RXRB: variants seen among roughly 807,000 people sequenced by gnomAD.
RXRB encodes the protein retinoic acid receptor RXR-beta.
A neutral mutation model predicts 52.5 loss-of-function variants in RXRB; 18 were observed. The ratio of observed to expected loss-of-function variants is 0.34; its 90% CI spans 0.24 to 0.51. The LOEUF (loss-of-function observed/expected upper bound fraction) is 0.51. Ranked by LOEUF, RXRB falls within the 20% of genes least tolerant of loss-of-function variation. The pLI, the probability that RXRB is intolerant of heterozygous loss-of-function variation, is 0.97. For missense variants in RXRB, 455 were observed against 698.2 expected (o/e 0.65, Z 3.92); for synonymous variants, 233 against 267.1 (o/e 0.87, Z 1.25).
intron 2 of RXRB, among the ~76,000 whole-genome samples, chr6:33,198,913 CAA>C (rs9280361): frequency 0.32 from 23,435 of 72,918 alleles, 1,677 homozygotes; most frequent in East Asian, 0.54. Context: ...GACTCCATCT[CAA>C]AAAAAAAAAA....
rs760065089 is a variant in RXRB at position 33,197,968 on chromosome 6, G to A, written c.641-27C>T. 1.2e-6 allele frequency: 2 copies of A among 1,607,082 alleles called. No individual in the cohort carries two copies. Among genetic ancestry groups the A allele is most frequent in the Admixed American group, 1.7e-5 (1 of 59,164 alleles). ...TACAGGGAAAGGGGAGGAGCAATAA[G>A]AAGGTTGCATGGAGACACCTTCACC... On this transcript the variant is annotated intron_variant, in intron 3 of 9. Coordinates refer to ENST00000374680, the MANE Select transcript of RXRB (RefSeq NM_021976.5). The surrounding 1 kb of genome is among the most constrained non-coding windows in gnomAD (Gnocchi z 4.4).
At chr6:33,198,771 G>C in intron 2 of RXRB, 1 of 501,356 alleles carries the variant, frequency 2.0e-6, no homozygotes, top group Non-Finnish European at 3.6e-6. Context: ...AGAATTAGCC[G>C]GGCGTGGTGG....
Position 33,195,618 on chromosome 6 carries a change from A to C in RXRB, c.1208T>G (p.Val403Gly). ...DGILLATGLH[V>G]HRNSAHSAGV... Reference sequence around the variant, plus strand: ...TGCTGAATGGGCTGAGTTGCGGTGCACGTGAAGACCTGTGGCAAGGAGGAT... The same window carrying C: ...TGCTGAATGGGCTGAGTTGCGGTGCCCGTGAAGACCTGTGGCAAGGAGGAT... The change falls in exon 7 of 10, where the codon GTG (valine) becomes GGG (glycine). Residue 403 changes from valine (V) to glycine (G), a missense_variant. By Grantham distance (109) the Val-to-Gly change is moderately radical. This residue lies in a region of RXRB where 115 missense variants were observed against 253.1 expected (regional missense o/e 0.45). Coordinates refer to ENST00000374680, the MANE Select transcript of RXRB (RefSeq NM_021976.5). This position sits in a 1 kb window ranked among gnomAD's most constrained non-coding sequence, Gnocchi z 8.6. The C allele has an allele frequency of 6.2e-7, 1 of 1,613,112 alleles. No homozygotes were observed. Among genetic ancestry groups the C allele is most frequent in the Non-Finnish European group, 8.5e-7 (1 of 1,180,034 alleles).
chr6:33,196,755 G>A lies in RXRB; in HGVS notation c.821-149C>T. On this transcript the variant is annotated intron_variant, in intron 4 of 9. Transcript: ENST00000374680. This position sits in a 1 kb window ranked among gnomAD's most constrained non-coding sequence, Gnocchi z 4.0. ...GAAGTCACTAGAAAGGGTGGACTGG[G>A]GGCAGCCCTGAAGGAAGGGTTATAA... 1 of 702,232 alleles carries A rather than the reference G, an allele frequency of 1.4e-6. No individual in the cohort carries two copies. Among genetic ancestry groups the A allele is most frequent in the South Asian group, 2.0e-5 (1 of 49,040 alleles). The allele number at this position is 702,232 out of a possible 1,614,324, so 43.5% of individuals were successfully genotyped here.
chr6:33,198,301 C>T lies in RXRB; in HGVS notation c.640+7G>A. On this transcript the variant is annotated splice_region_variant and intron_variant, in intron 3 of 9. Coordinates refer to ENST00000374680, the MANE Select transcript of RXRB (RefSeq NM_021976.5). The stretch of plus-strand genomic sequence containing the variant: ...CTCCCTCTCTGTTCATCCTCTGAGC[C>T]ACATACCTGAGCTTCTGTCCCCGCA... 6.2e-7 allele frequency: 1 copy of T among 1,612,988 alleles called. No individual in the cohort carries two copies. The highest frequency in any genetic ancestry group is 8.5e-7 in the Non-Finnish European group (1 of 1,179,964).
Position 33,194,502 on chromosome 6 carries a change from G to A in RXRB, c.*180C>T. On this transcript the variant is annotated 3_prime_UTR_variant, in exon 10 of 10. Transcript: ENST00000374680. The surrounding 1 kb of genome is among the most constrained non-coding windows in gnomAD (Gnocchi z 4.1). ...CAACCAGTCCTCACAGGTATCTGGGGTCCCTTCCAACTTGGGATATCAAGC... is the reference window on the plus strand; with the variant it reads ...CAACCAGTCCTCACAGGTATCTGGGATCCCTTCCAACTTGGGATATCAAGC... The A allele has an allele frequency of 1.7e-6, 1 of 604,486 alleles. No individual in the cohort carries two copies. 37.4% of individuals were successfully genotyped at this position (604,486 alleles called of 1,614,324 possible). A position where few individuals can be genotyped will look rare whatever the true frequency, so the allele number is the denominator to read the frequency against.
Position 33,196,572 on chromosome 6 carries a change from C to T in RXRB, c.855G>A (p.Lys285=). ...CCCCAGCCCCCTCCCCATCCCCATC[C>T]TTGTCCTTTCCCCGCTGACGCTCCT... ...VQEERQRGKD[K]DGDGEGAGGA... is the part of the protein sequence containing the mutation. Residue 285 remains lysine (K), a synonymous_variant, in exon 5 of 10, where the codon AAG becomes AAA. Transcript: ENST00000374680. The surrounding 1 kb of genome is among the most constrained non-coding windows in gnomAD (Gnocchi z 4.0). 6.2e-7 allele frequency: 1 copy of T among 1,612,134 alleles called. No individual in the cohort carries two copies. The highest frequency in any genetic ancestry group is 8.5e-7 in the Non-Finnish European group (1 of 1,179,570).
chr6:33,200,515 G>A lies in RXRB; in HGVS notation c.-39C>T, dbSNP rs1774428552. 1 of 1,554,380 alleles carries A rather than the reference G, an allele frequency of 6.4e-7. No homozygotes were observed. Among genetic ancestry groups the A allele is most frequent in the Admixed American group, 1.9e-5 (1 of 52,178 alleles). On this transcript the variant is annotated 5_prime_UTR_variant, in exon 1 of 10. Transcript: ENST00000374680. This position sits in a 1 kb window ranked among gnomAD's most constrained non-coding sequence, Gnocchi z 6.3. ...GAGTAGGGATACCGAAGAGGTCCCAGGGATTCCCAAGGATTGATCGGAGGA... is the reference window on the plus strand; with the variant it reads ...GAGTAGGGATACCGAAGAGGTCCCAAGGATTCCCAAGGATTGATCGGAGGA...
In RXRB at chr6:33,197,853, G is replaced by A; in HGVS notation, c.729C>T (p.Asp243=). 2 of 1,613,866 alleles carry A rather than the reference G, an allele frequency of 1.2e-6. No homozygotes were observed. The highest frequency in any genetic ancestry group is 1.7e-6 in the Non-Finnish European group (2 of 1,180,022). The change falls in exon 4 of 10, where the codon GAC becomes GAT. Residue 243 remains aspartate (D), a synonymous_variant. Transcript: ENST00000374680. The surrounding 1 kb of genome is among the most constrained non-coding windows in gnomAD (Gnocchi z 4.4). ...GCTTGTCCACTGTGCAGTCTTTGTT[G>A]TCCCGGCAAGAGTATGTAAGGTCTT... ...IRKDLTYSCR[D]NKDCTVDKRQ...
chr6:33,197,610 A>T lies in RXRB; in HGVS notation c.820+152T>A, dbSNP rs1275015898. On this transcript the variant is annotated intron_variant, in intron 4 of 9. Coordinates refer to ENST00000374680, the MANE Select transcript of RXRB (RefSeq NM_021976.5). This position sits in a 1 kb window ranked among gnomAD's most constrained non-coding sequence, Gnocchi z 4.4. ...GGAAACTCAAGGGCCAGAACAGGGT[A>T]ACAGGGAGGAGAGCTGCGAAGGGAG... 1 of 722,482 alleles carries T rather than the reference A, an allele frequency of 1.4e-6. No homozygotes were observed. Among genetic ancestry groups the T allele is most frequent in the Non-Finnish European group, 2.2e-6 (1 of 445,512 alleles). 44.8% of individuals were successfully genotyped at this position (722,482 alleles called of 1,614,324 possible).
rs1773715014 is a variant in RXRB at position 33,194,373 on chromosome 6, G to GC, written c.*308dup. The GC allele has an allele frequency of 2.9e-6, 1 of 346,948 alleles. No homozygotes were observed. Among genetic ancestry groups the GC allele is most frequent in the Non-Finnish European group, 5.2e-6 (1 of 191,540 alleles). The allele number at this position is 346,948 out of a possible 1,614,324, so 21.5% of individuals were successfully genotyped here. The stretch of plus-strand genomic sequence containing the variant: ...ATGAGAAGGAAGCAAGGTCCTGGAG[G>GC]CAAGGCCAGTGCTTTGTGCTGGGGG... On this transcript the variant is annotated 3_prime_UTR_variant, in exon 10 of 10. Coordinates refer to ENST00000374680, the MANE Select transcript of RXRB (RefSeq NM_021976.5). This position sits in a 1 kb window ranked among gnomAD's most constrained non-coding sequence, Gnocchi z 4.1.
rs1022949699 is a variant in RXRB, at chr6:33,200,334, G to A, written c.143C>T (p.Ala48Val). 1.3e-6 allele frequency: 2 copies of A among 1,585,320 alleles called. No homozygotes were observed. Among genetic ancestry groups the A allele is most frequent in the South Asian group, 1.1e-5 (1 of 88,408 alleles). ...TCCGCCTGCCACCGCCGCCGCCGCC[G>A]CCGCTGCGGGATCCAGCCAGGGCCG... is the stretch of plus-strand genomic sequence containing the variant. ...RRRPWLDPAA[A>V]AAAAVAGGEQ... Residue 48 changes from alanine (A) to valine (V), a missense_variant, in exon 1 of 10, where the codon GCG becomes GTG. Ala to Val is a moderately conservative substitution (Grantham distance 64). Coordinates refer to ENST00000374680, the MANE Select transcript of RXRB (RefSeq NM_021976.5). The surrounding 1 kb of genome is among the most constrained non-coding windows in gnomAD (Gnocchi z 6.3).
At position 33,195,461 on chromosome 6, in the gene RXRB, AGG is replaced by A; in HGVS notation, c.1257-9_1257-8del. 6.2e-7 allele frequency: 1 copy of A among 1,612,148 alleles called. No individual in the cohort carries two copies. Among genetic ancestry groups the A allele is most frequent in the Non-Finnish European group, 8.5e-7 (1 of 1,179,188 alleles). ...CACTAGCTCTGTCAGCACCCTGGAG[AGG>A]GACCTGCAGGTCACTCAAAGGTCAC... On this transcript the variant is annotated splice_polypyrimidine_tract_variant and splice_region_variant and intron_variant, in intron 7 of 9. Coordinates refer to ENST00000374680, the MANE Select transcript of RXRB (RefSeq NM_021976.5). This position sits in a 1 kb window ranked among gnomAD's most constrained non-coding sequence, Gnocchi z 8.6.
rs764429664 is a variant in RXRB, at chr6:33,195,352, C to T, written c.1348+11G>A. ...CTTGGCCTTGAGAGACAAAGGTAAT[C>T]CTCCTCTTACCTGGATTAAACAGAA... On this transcript the variant is annotated intron_variant, in intron 8 of 9. Transcript: ENST00000374680. The surrounding 1 kb of genome is among the most constrained non-coding windows in gnomAD (Gnocchi z 8.6). 9 of 1,561,476 alleles carry T rather than the reference C, an allele frequency of 5.8e-6. No homozygotes were observed. Among genetic ancestry groups the T allele is most frequent in the Non-Finnish European group, 7.1e-6 (8 of 1,133,004 alleles).
In RXRB at chr6:33,197,992, C is replaced by A; in HGVS notation, c.641-51G>T. The A allele has an allele frequency of 6.4e-7, 1 of 1,561,380 alleles. No individual in the cohort carries two copies. The highest frequency in any genetic ancestry group is 2.3e-5 in the East Asian group (1 of 43,630). On this transcript the variant is annotated intron_variant, in intron 3 of 9. Coordinates refer to ENST00000374680, the MANE Select transcript of RXRB (RefSeq NM_021976.5). This position sits in a 1 kb window ranked among gnomAD's most constrained non-coding sequence, Gnocchi z 4.4. ...AGAAGGTTGCATGGAGACACCTTCA[C>A]CATTTAGTCTGTTTCCAATCTCCCC...
chr6:33,196,980 G>A lies in RXRB; in HGVS notation c.821-374C>T, dbSNP rs991763121. Among the ~76,000 whole-genome samples the A allele has an allele frequency of 6.6e-6, 1 of 152,154 alleles. No homozygotes were observed. Among genetic ancestry groups the A allele is most frequent in the Non-Finnish European group, 1.5e-5 (1 of 68,046 alleles). Reference sequence around the variant, plus strand: ...TTACCATTCACTCAATTATCATAATGATGCTGGAAGCATTTATTCTCATTT... The same window carrying A: ...TTACCATTCACTCAATTATCATAATAATGCTGGAAGCATTTATTCTCATTT... On this transcript the variant is annotated intron_variant, in intron 4 of 9. Coordinates refer to ENST00000374680, the MANE Select transcript of RXRB (RefSeq NM_021976.5). This position sits in a 1 kb window ranked among gnomAD's most constrained non-coding sequence, Gnocchi z 4.0.
chr6:33,197,171 G>A lies in RXRB; in HGVS notation c.821-565C>T, dbSNP rs1371537435. Among the ~76,000 whole-genome samples the A allele has an allele frequency of 2.0e-5, 3 of 152,166 alleles. No homozygotes were observed. The highest frequency in any genetic ancestry group is 2.0e-4 in the Admixed American group (3 of 15,280). On this transcript the variant is annotated intron_variant, in intron 4 of 9. Transcript: ENST00000374680. The surrounding 1 kb of genome is among the most constrained non-coding windows in gnomAD (Gnocchi z 4.4). ...CACTGGCCTAGGTCTTTGAAGATGT[G>A]GGTTCTGATCCCAAACCTGCCTGCC...
Position 33,200,219 on chromosome 6 carries a change from T to A in RXRB, c.235+23A>T. The A allele has an allele frequency of 1.2e-6, 2 of 1,601,978 alleles. No individual in the cohort carries two copies. Among genetic ancestry groups the A allele is most frequent in the Non-Finnish European group, 1.7e-6 (2 of 1,175,464 alleles). The stretch of plus-strand genomic sequence containing the variant: ...CAGATAAAGCGGTCACTGGCTCGCC[T>A]GCCCTTCTGCTGGGGCACTCACCCC... On this transcript the variant is annotated intron_variant, in intron 1 of 9. Coordinates refer to ENST00000374680, the MANE Select transcript of RXRB (RefSeq NM_021976.5). This position sits in a 1 kb window ranked among gnomAD's most constrained non-coding sequence, Gnocchi z 6.3.
rs776006780 is a variant in RXRB, at chr6:33,196,393, AC to A, written c.993+40del. On this transcript the variant is annotated intron_variant, in intron 5 of 9. Coordinates refer to ENST00000374680, the MANE Select transcript of RXRB (RefSeq NM_021976.5). The surrounding 1 kb of genome is among the most constrained non-coding windows in gnomAD (Gnocchi z 4.0). The stretch of plus-strand genomic sequence containing the variant: ...GAACAGACCTAGACTGCCTCCCCCA[AC>A]CCCCATCACGAAGGAGAGTGGATTG... 1 of 1,595,682 alleles carries A rather than the reference AC, an allele frequency of 6.3e-7. No homozygotes were observed. The highest frequency in any genetic ancestry group is 8.6e-7 in the Non-Finnish European group (1 of 1,164,504).
Sources: gnomAD v4.1 joint callset for allele counts (sites outside exome capture counted in the v4.1 genomes callset) on GRCh38, gnomAD v4.1.1 for gene constraint, gnomAD v4.1.1 regional missense constraint, Gnocchi (gnomAD v3.1) non-coding constraint, MANE v1.5 for transcripts, NCBI Gene and HGNC (gene_info 2026-07-23, HGNC 2026-07-21) for gene names.